NOS1: variants seen among roughly 807,000 people sequenced by gnomAD.
NOS1 encodes the protein nitric oxide synthase 1, also known as NOS type I.
In NOS1, 51 loss-of-function variants were observed where a neutral mutation model predicts 164.5. That is an observed-to-expected ratio of 0.31 (90% confidence interval 0.25 to 0.39). The LOEUF (loss-of-function observed/expected upper bound fraction) is 0.39, where lower values mean the gene tolerates loss of function less well. Ranked by LOEUF, NOS1 falls within the 10% of genes least tolerant of loss-of-function variation. The pLI is 1.00. For synonymous variants in NOS1, 719 were observed against 745.8 expected, an observed-to-expected ratio of 0.96 and a Z score of 0.59; for missense variants, 1,362 against 1,885.6, an observed-to-expected ratio of 0.72 and a Z score of 5.14.
intron 26 of NOS1, 92 bp from the exon 27 acceptor site, chr12:117,220,361 G>C (rs1956683992): frequency 7.9e-7 from 1 of 1,261,868 alleles, no homozygotes; most frequent in Non-Finnish European, 1.1e-6. Context: ...CCTGACTCAG[G>C]GGCTTGTGGG....
At chr12:117,225,899 G>C (rs1462937275) in intron 24 of NOS1, among the ~76,000 whole-genome samples, 3 of 152,176 alleles carry the variant, frequency 2.0e-5, no homozygotes, top group Non-Finnish European at 4.4e-5. Context: ...AAAGTGTTGG[G>C]ATTACAGGCG....
intron 1 of NOS1, among the ~76,000 whole-genome samples, chr12:117,341,227 G>A (rs912564430): frequency 6.6e-6 from 1 of 152,136 alleles, no homozygotes; most frequent in Non-Finnish European, 1.5e-5. Context: ...ACGTGGACTG[G>A]TCCTGTCTCC....
intron 9 of NOS1, 112 bp downstream of exon 9, chr12:117,277,847 C>G: frequency 7.8e-7 from 1 of 1,285,334 alleles, no homozygotes; most frequent in Non-Finnish European, 1.1e-6. Context: ...CCCCCTTTCC[C>G]CTTTCAGCTT....
chr12:117,315,663 G>A (rs1330298493), intron 2 of NOS1, among the ~76,000 whole-genome samples: 2 of 152,214 alleles, frequency 1.3e-5, no homozygotes, highest in Non-Finnish European at 2.9e-5. Context: ...TGGGGTTGCA[G>A]GAGCAGTGTA....
intron 1 of NOS1, among the ~76,000 whole-genome samples, chr12:117,334,857 C>T (rs1201216791): frequency 6.6e-6 from 1 of 152,216 alleles, no homozygotes; most frequent in Admixed American, 6.5e-5. Flanking sequence ...TATAAGGACA[C>T]CCGCTTGTCC....
chr12:117,219,794 A>G (rs1437416016), intron 27 of NOS1, among the ~76,000 whole-genome samples: 1 of 152,176 alleles, frequency 6.6e-6, no homozygotes, highest in Non-Finnish European at 1.5e-5. Flanking sequence ...AAGTTAGGTT[A>G]GAATGGTTTC....
intron 1 of NOS1, among the ~76,000 whole-genome samples, chr12:117,357,603 C>T (rs1000490333): frequency 3.3e-5 from 5 of 152,040 alleles, no homozygotes; most frequent in Non-Finnish European, 4.4e-5. Flanking sequence ...ATTTGTACAA[C>T]GAGGGTGACA....
In NOS1 at chr12:117,350,797, A is replaced by G. The variant is rs565771696; in HGVS notation, c.-421+10715T>C. ...TCTCCAAACTTATCTGGGCTCCCGA[A>G]GAGGCTGACCTCTATGGACATCAAA... On this transcript the variant is annotated intron_variant, in intron 1 of 28. Transcript: ENST00000317775. Among the ~76,000 whole-genome samples the G allele has an allele frequency of 1.6e-4, 24 of 152,256 alleles. No individual in the cohort carries two copies. The East Asian group carries it at 4.3e-3, about 27-fold the overall frequency.
At chr12:117,260,392 G>A in intron 14 of NOS1, 73 bp downstream of exon 14, 1 of 1,556,928 alleles carries the variant, frequency 6.4e-7, no homozygotes, top group Non-Finnish European at 8.8e-7. Flanking sequence ...CTTCTCTGTT[G>A]ACTTCCCTCT....
chr12:117,302,594 CAAAA>C (rs144113071), intron 3 of NOS1, among the ~76,000 whole-genome samples: 2 of 72,922 alleles, frequency 2.7e-5, no homozygotes, highest in Non-Finnish European at 5.3e-5. Context: ...GACTCCGTCT[CAAAA>C]AAAAAAAAAA....
chr12:117,279,713 A>C (rs879813393), intron 8 of NOS1, among the ~76,000 whole-genome samples: 4 of 152,200 alleles, frequency 2.6e-5, no homozygotes, highest in Non-Finnish European at 5.9e-5. Context: ...TCTGGTGACC[A>C]CGAGGACAAG....
intron 1 of NOS1, among the ~76,000 whole-genome samples, chr12:117,339,638 A>G (rs942349368): frequency 3.9e-5 from 6 of 152,358 alleles, no homozygotes; most frequent in East Asian, 1.9e-4. Context: ...AGTACCCATC[A>G]ATAGAAGACT....
intron 3 of NOS1, chr12:117,302,165 T>C: frequency 4.5e-6 from 2 of 445,090 alleles, no homozygotes; most frequent in Non-Finnish European, 4.5e-6. Flanking sequence ...TACCTGATAT[T>C]GCTCAATAAA....
intron 17 of NOS1, among the ~76,000 whole-genome samples, chr12:117,253,145 C>A (rs956875214): frequency 6.6e-6 from 1 of 152,142 alleles, no homozygotes; most frequent in East Asian, 1.9e-4. Flanking sequence ...AAAAGCAACA[C>A]ATGGGCCCAA....
At chr12:117,219,480 T>C (rs1956665600) in intron 27 of NOS1, among the ~76,000 whole-genome samples, 1 of 151,662 alleles carries the variant, frequency 6.6e-6, no homozygotes, top group Admixed American at 6.6e-5. Context: ...CTAATTTTTG[T>C]ATTTTTAGAA....
rs74498287 is a variant in NOS1 at position 117,324,424 on chromosome 12, G to A, written c.725+5921C>T. Among the ~76,000 whole-genome samples the A allele has an allele frequency of 6.3e-3, 960 of 152,150 alleles. 72 individuals carry two copies. In the East Asian group the frequency reaches 0.17, roughly 27 times the overall value. On this transcript the variant is annotated intron_variant, in intron 2 of 28. Coordinates refer to ENST00000317775, the MANE Select transcript of NOS1 (RefSeq NM_000620.5). ...GAGTAACCTGGATATTCTCTTACAC[G>A]CAGCATTTTAAAGTGACCGCTCCAG...
chr12:117,214,959 G>T lies in NOS1; in HGVS notation c.*350C>A. The stretch of plus-strand genomic sequence containing the variant: ...CTCAGAGAGCTTGTGCCTAGTTCCT[G>T]CAGCCTTTCCAGGGGAACCCCAGAG... On this transcript the variant is annotated 3_prime_UTR_variant, in exon 29 of 29. Transcript: ENST00000317775. The T allele has an allele frequency of 9.4e-7, 1 of 1,068,418 alleles. No individual in the cohort carries two copies. 66.2% of individuals were successfully genotyped at this position (1,068,418 alleles called of 1,614,324 possible).
At chr12:117,308,383 C>A (rs1593011319) in intron 3 of NOS1, among the ~76,000 whole-genome samples, 1 of 152,034 alleles carries the variant, frequency 6.6e-6, no homozygotes, top group Non-Finnish European at 1.5e-5. Context: ...GTGGCACCAG[C>A]CTGTAGTCCT....
At chr12:117,305,278 C>T (rs977613641) in intron 3 of NOS1, among the ~76,000 whole-genome samples, 25 of 152,048 alleles carry the variant, frequency 1.6e-4, no homozygotes, top group African/African-American at 2.2e-4. Flanking sequence ...CTTGCTAACA[C>T]GGTGAAACCC....
Sources: gnomAD v4.1 joint callset for allele counts (sites outside exome capture counted in the v4.1 genomes callset) on GRCh38, gnomAD v4.1.1 for gene constraint, MANE v1.5 for transcripts, NCBI Gene and HGNC (gene_info 2026-07-23, HGNC 2026-07-21) for gene names.